Variants in NME9 observed in about 807,000 individuals in gnomAD.
NME9 encodes the protein NME/NM23 family member 9.
A neutral mutation model predicts 44.4 loss-of-function variants in NME9; 48 were observed. That is an observed-to-expected ratio of 1.08 (90% CI 0.86 to 1.37). The LOEUF is 1.37. Ranked by LOEUF, NME9 falls within the 40% of genes most tolerant of loss-of-function variation. The pLI, the probability that NME9 is intolerant of heterozygous loss-of-function variation, is 0.00. For synonymous variants in NME9, 139 were observed against 147.1 expected (o/e 0.94, Z 0.40); for missense variants, 325 against 405.2 (o/e 0.80, Z 1.70).
At chr3:138,275,030 G>C (rs1160158337) in intron 8 of NME9, among the ~76,000 whole-genome samples, 1 of 152,146 alleles carries the variant, frequency 6.6e-6, no homozygotes, top group Non-Finnish European at 1.5e-5. Flanking sequence ...AGTTTCAGGA[G>C]GGCAAGTTAA....
chr3:138,282,952 G>A (rs1168087027), intron 8 of NME9, among the ~76,000 whole-genome samples: 1 of 152,144 alleles, frequency 6.6e-6, no homozygotes, highest in African/African-American at 2.4e-5. Context: ...CCATGTACCA[G>A]TGCTTATGTA....
intron 8 of NME9, among the ~76,000 whole-genome samples, chr3:138,287,305 A>G (rs951657535): frequency 1.3e-5 from 2 of 152,134 alleles, no homozygotes; most frequent in Non-Finnish European, 2.9e-5. Context: ...AGACCTTTTC[A>G]GGAACTTTTT....
chr3:138,306,483 A>C lies in NME9; in HGVS notation c.461-3T>G. 6.3e-7 allele frequency: 1 copy of C among 1,597,242 alleles called. No homozygotes were observed. The highest frequency in any genetic ancestry group is 8.5e-7 in the Non-Finnish European group (1 of 1,171,170). On this transcript the variant is annotated splice_region_variant and splice_polypyrimidine_tract_variant and intron_variant, in intron 6 of 10. Coordinates refer to ENST00000333911, the MANE Select transcript of NME9 (RefSeq NM_001349018.2). ...GGTACAGGTCCTCTCTGATGAAACT[A>C]AGCCAAAAAATGGTGCTGTCAGATG...
chr3:138,267,539 T>C (rs778934807), intron 8 of NME9, among the ~76,000 whole-genome samples: 2 of 152,244 alleles, frequency 1.3e-5, no homozygotes, highest in Non-Finnish European at 2.9e-5. Context: ...TTCTTACAAA[T>C]AGTAAACTAT....
At chr3:138,269,257 C>T (rs1002653268) in intron 8 of NME9, among the ~76,000 whole-genome samples, 1 of 152,106 alleles carries the variant, frequency 6.6e-6, no homozygotes, top group Non-Finnish European at 1.5e-5. Flanking sequence ...GTATATAGAT[C>T]TGAATTGCTT....
At chr3:138,284,529 G>A (rs755082103) in intron 8 of NME9, 4 of 1,599,388 alleles carry the variant, frequency 2.5e-6, no homozygotes, top group Admixed American at 1.7e-5. Flanking sequence ...ATTACATGGT[G>A]AGCCCTTGTC....
rs2053355967 is a variant in NME9 at position 138,319,869 on chromosome 3, C to T, written c.92-288G>A. On this transcript the variant is annotated intron_variant, in intron 2 of 10. Coordinates refer to ENST00000333911, the MANE Select transcript of NME9 (RefSeq NM_001349018.2). The stretch of plus-strand genomic sequence containing the variant: ...TCTTAAGGGTTCTTCAGGCTACATT[C>T]AGGGTTAGGCCTAACACAGGGTGGC... Among the ~76,000 whole-genome samples the T allele has an allele frequency of 2.6e-5, 4 of 152,152 alleles. No homozygotes were observed. In the South Asian group the frequency reaches 6.2e-4, roughly 24 times the overall value.
intron 6 of NME9, among the ~76,000 whole-genome samples, chr3:138,311,186 G>A (rs926033867): frequency 6.6e-6 from 1 of 152,066 alleles, no homozygotes; most frequent in African/African-American, 2.4e-5. Context: ...TACCAAGATT[G>A]AACCATGAAG....
chr3:138,292,546 G>C (rs1263916762), intron 8 of NME9, among the ~76,000 whole-genome samples: 1 of 152,338 alleles, frequency 6.6e-6, no homozygotes, highest in East Asian at 1.9e-4. Flanking sequence ...CACAGATTCA[G>C]TACAGGATGT....
At chr3:138,305,299 C>T (rs986503972) in intron 8 of NME9, among the ~76,000 whole-genome samples, 3 of 152,138 alleles carry the variant, frequency 2.0e-5, no homozygotes, top group African/African-American at 7.2e-5. Flanking sequence ...TGGGAATAAA[C>T]GTGAGATTAT....
chr3:138,325,641 C>G (rs2053740636), intron 1 of NME9, among the ~76,000 whole-genome samples: 1 of 152,144 alleles, frequency 6.6e-6, no homozygotes, highest in Non-Finnish European at 1.5e-5. Flanking sequence ...CTCCTGACCT[C>G]AAGTGATCTG....
chr3:138,329,259 C>A (rs1018373605), intron 1 of NME9, 44 bp downstream of exon 1: 2 of 1,510,390 alleles, frequency 1.3e-6, no homozygotes, highest in African/African-American at 2.8e-5. Context: ...TCCTCTTCCC[C>A]GAGCCCAACC....
chr3:138,295,731 G>A (rs964551521), intron 8 of NME9: 1 of 965,166 alleles, frequency 1.0e-6, no homozygotes, highest in Non-Finnish European at 1.6e-6. Flanking sequence ...GTGCCCACCT[G>A]GGCTCACCCC....
chr3:138,284,568 G>T, intron 8 of NME9: 1 of 1,399,468 alleles, frequency 7.1e-7, no homozygotes. Context: ...AGAATGCAGG[G>T]ACTGTTGCAT....
At chr3:138,318,303 G>C in intron 3 of NME9, 84 bp from the exon 4 acceptor site, 2 of 888,510 alleles carry the variant, frequency 2.3e-6, no homozygotes, top group Non-Finnish European at 3.8e-6. Context: ...ACAGGGAACT[G>C]AACACCCCCA....
At chr3:138,265,685 A>G (rs1213279404) in intron 8 of NME9, among the ~76,000 whole-genome samples, 1 of 152,214 alleles carries the variant, frequency 6.6e-6, no homozygotes, top group African/African-American at 2.4e-5. Flanking sequence ...TATGTATGGT[A>G]TGTGTAGGGA....
chr3:138,267,266 G>T lies in NME9; in HGVS notation c.746-4680C>A, dbSNP rs749005785. ...GGTTAGTATTGATTTTCTTTTCCTAGACTTTGCCCAGTCCAGCTAGAGCTT... is the reference window on the plus strand; with the variant it reads ...GGTTAGTATTGATTTTCTTTTCCTATACTTTGCCCAGTCCAGCTAGAGCTT... On this transcript the variant is annotated intron_variant, in intron 8 of 8. Transcript: ENST00000317876. 2.8e-6 allele frequency: 4 copies of T among 1,412,916 alleles called. No homozygotes were observed. The South Asian group carries it at 5.2e-5, about 19-fold the overall frequency. 87.5% of individuals were successfully genotyped at this position (1,412,916 alleles called of 1,614,324 possible).
intron 3 of NME9, 43 bp downstream of exon 3, chr3:138,319,434 CT>C: frequency 8.8e-7 from 1 of 1,142,326 alleles, no homozygotes; most frequent in South Asian, 1.2e-5. Flanking sequence ...TTTTTAAATT[CT>C]TTTTACAATG....
chr3:138,329,028 G>A (rs528455681), intron 1 of NME9, among the ~76,000 whole-genome samples: 1 of 152,274 alleles, frequency 6.6e-6, no homozygotes, highest in African/African-American at 2.4e-5. Flanking sequence ...TTTAATGCAT[G>A]TTTAGGTTTT....
Sources: gnomAD v4.1 joint callset for allele counts (sites outside exome capture counted in the v4.1 genomes callset) on GRCh38, gnomAD v4.1.1 for gene constraint, MANE v1.5 for transcripts, NCBI Gene and HGNC (gene_info 2026-07-23, HGNC 2026-07-21) for gene names.